SH2D2A: variants seen among roughly 807,000 people sequenced by gnomAD.
The protein encoded by SH2D2A is SH2 domain-containing protein 2A.
A neutral mutation model predicts 43.6 loss-of-function variants in SH2D2A; 33 were observed. The observed-to-expected ratio is 0.76, with a 90% CI of 0.57 to 1.01. The LOEUF is 1.01. SH2D2A is among the 50% of genes least tolerant of loss of function. The probability of loss-of-function intolerance (pLI) is 0.00; values close to 1 mark genes in which losing one functional copy is unlikely to be tolerated. For synonymous variants in SH2D2A, 212 were observed against 206.1 expected, an observed-to-expected ratio of 1.03 and a Z score of -0.25; for missense variants, 491 against 503.1, an observed-to-expected ratio of 0.98 and a Z score of 0.23.
At chr1:156,806,772 C>G (rs1331996556) in intron 8 of SH2D2A, among the ~76,000 whole-genome samples, 199 bp from the exon 9 acceptor site, 1 of 152,192 alleles carries the variant, frequency 6.6e-6, no homozygotes, top group Non-Finnish European at 1.5e-5. Context: ...GGTTCTAGTC[C>G]TTGACCTTGG....
Position 156,814,243 on chromosome 1 carries a change from C to G in SH2D2A, c.360G>C (p.Arg120=). 6 of 1,614,008 alleles carry G rather than the reference C, an allele frequency of 3.7e-6. No individual in the cohort carries two copies. Among genetic ancestry groups the G allele is most frequent in the Non-Finnish European group, 5.1e-6 (6 of 1,179,996 alleles). Residue 120 remains arginine, a synonymous_variant, in exon 4 of 9, where the codon CGG becomes CGC. Coordinates refer to ENST00000368199, the MANE Select transcript of SH2D2A (RefSeq NM_003975.4). ...EPKPQGCYLV[R]FSESAVTFVL... Reference sequence around the variant, plus strand: ...CGAAGGTCACCGCGCTCTCGCTGAACCGCACCAAGTAGCACCCCTGAGGCT... The same window carrying G: ...CGAAGGTCACCGCGCTCTCGCTGAAGCGCACCAAGTAGCACCCCTGAGGCT...
rs142571523 is a variant in SH2D2A, at chr1:156,809,289, C to T, written c.916G>A (p.Val306Met). 4.8e-5 allele frequency: 78 copies of T among 1,614,170 alleles called. No individual in the cohort carries two copies. In the African/African-American group the frequency reaches 8.1e-4, roughly 17 times the overall value. ...GGTAGGCCCTCATCTTCCACTTCCA[C>T]ATAGATGTTGCTGGGGGCTTCCCCA... The part of the protein sequence containing the change: ...SPGEAPSNIY[V>M]EVEDEGLPAT... Residue 306 changes from valine (V) to methionine (M), a missense_variant, in exon 7 of 9, where the codon GTG becomes ATG. Coordinates refer to ENST00000368199, the MANE Select transcript of SH2D2A (RefSeq NM_003975.4). The surrounding 1 kb of genome is among the most constrained non-coding windows in gnomAD (Gnocchi z 4.8).
rs1308201189 is a variant in SH2D2A, at chr1:156,814,231, G to A, written c.372C>T (p.Ser124=). ...TGTAAGTCAGCACGAAGGTCACCGC[G>A]CTCTCGCTGAACCGCACCAAGTAGC... is the stretch of plus-strand genomic sequence containing the variant. The part of the protein sequence containing the change: ...QGCYLVRFSE[S]AVTFVLTYRS... The change falls in exon 4 of 9, where the codon AGC becomes AGT. Residue 124 remains serine, a synonymous_variant. Transcript: ENST00000368199. 10 of 1,613,736 alleles carry A rather than the reference G, an allele frequency of 6.2e-6. No individual in the cohort carries two copies. The highest frequency in any genetic ancestry group is 3.3e-5 in the Admixed American group (2 of 59,990).
Position 156,809,227 on chromosome 1 carries a change from C to A in SH2D2A, c.978G>T (p.Trp326Cys). 1.2e-6 allele frequency: 2 copies of A among 1,613,052 alleles called. No homozygotes were observed. Residue 326 changes from tryptophan to cysteine, a missense_variant, in exon 7 of 9, where the codon TGG becomes TGT. Trp to Cys is a radical substitution (Grantham distance 215). Transcript: ENST00000368199. This position sits in a 1 kb window ranked among gnomAD's most constrained non-coding sequence, Gnocchi z 4.8. ...CCTGGCCTCCTGGGACAGGCCTGGACCAGCTCTTCCGTAGGACAGGGTGCC... is the reference window on the plus strand; with the variant it reads ...CCTGGCCTCCTGGGACAGGCCTGGAACAGCTCTTCCGTAGGACAGGGTGCC... ...TLGHPVLRKS[W>C]SRPVPGGQNT...
At chr1:156,808,806 G>A (rs923543688) in intron 7 of SH2D2A, among the ~76,000 whole-genome samples, 18 of 152,318 alleles carry the variant, frequency 1.2e-4, no homozygotes, top group Admixed American at 4.6e-4. Flanking sequence ...CAGCAGGGCC[G>A]TGAAGGCCAA....
At chr1:156,808,424 C>T (rs1431122788) in intron 7 of SH2D2A, among the ~76,000 whole-genome samples, 6 of 152,052 alleles carry the variant, frequency 3.9e-5, no homozygotes, top group African/African-American at 7.2e-5. Flanking sequence ...AAAGTTTGGA[C>T]GGAGATATGG....
intron 5 of SH2D2A, among the ~76,000 whole-genome samples, chr1:156,811,103 T>C (rs963071960): frequency 6.6e-6 from 1 of 152,118 alleles, no homozygotes; most frequent in Non-Finnish European, 1.5e-5. Context: ...AGCATCTCCT[T>C]CCGGAATAAA....
Position 156,809,870 on chromosome 1 carries a change from G to A in SH2D2A, c.568-63C>T, listed in dbSNP as rs1653287265. The stretch of plus-strand genomic sequence containing the variant: ...GCGTTGGGGTGGGGGAGGTGATCAG[G>A]AGGACAAAATAATCCAGTCTAAGTG... On this transcript the variant is annotated intron_variant, in intron 5 of 8. Coordinates refer to ENST00000368199, the MANE Select transcript of SH2D2A (RefSeq NM_003975.4). The surrounding 1 kb of genome is among the most constrained non-coding windows in gnomAD (Gnocchi z 4.8). The A allele has an allele frequency of 6.3e-7, 1 of 1,584,374 alleles. No homozygotes were observed. Among genetic ancestry groups the A allele is most frequent in the Non-Finnish European group, 8.6e-7 (1 of 1,161,066 alleles).
At chr1:156,814,971 T>C in intron 3 of SH2D2A, 66 bp downstream of exon 3, 1 of 1,345,552 alleles carries the variant, frequency 7.4e-7, no homozygotes, top group Non-Finnish European at 9.8e-7. Flanking sequence ...TCCTGGCAGG[T>C]GGCAGGACCC....
At position 156,814,134 on chromosome 1, in the gene SH2D2A, G is replaced by T. The variant is rs528231192; in HGVS notation, c.398+71C>A. 14 of 1,587,542 alleles carry T rather than the reference G, an allele frequency of 8.8e-6. No homozygotes were observed. The African/African-American group carries it at 1.2e-4, about 14-fold the overall frequency. Reference sequence around the variant, plus strand: ...ATGAGCTAAGAGCCCGGCTCCTCACGGGATCAGACCCAAGCCCCGCCCCTC... The same window carrying T: ...ATGAGCTAAGAGCCCGGCTCCTCACTGGATCAGACCCAAGCCCCGCCCCTC... On this transcript the variant is annotated intron_variant, in intron 4 of 8. Transcript: ENST00000368199.
rs182027480 is a variant in SH2D2A, at chr1:156,810,806, C to T, written c.568-999G>A. Among the ~76,000 whole-genome samples the T allele has an allele frequency of 4.7e-4, 71 of 152,312 alleles. 1 individual carries two copies. The highest frequency in any genetic ancestry group is 4.5e-3 in the Admixed American group (69 of 15,298). On this transcript the variant is annotated intron_variant, in intron 5 of 8. Coordinates refer to ENST00000368199, the MANE Select transcript of SH2D2A (RefSeq NM_003975.4). ...AAAGTGCTGGGATTACAGGTGTGAG[C>T]CACTGCGCCCGGCCATAAGCTAACA...
At position 156,807,195 on chromosome 1, in the gene SH2D2A, G is replaced by C. The variant is rs1653026523; in HGVS notation, c.1153C>G (p.Leu385Val). The stretch of plus-strand genomic sequence containing the variant: ...CTTACCGCCTACTGAGGAGGCCCAA[G>C]GGGAAGCCATGCCTGTCCTCTGTCC... ...LQDRGQAWLP[L>V]GPPQ Residue 385 changes from leucine (L) to valine (V), a missense_variant, in exon 8 of 9, where the codon CTT becomes GTT. Leu to Val is a conservative substitution (Grantham distance 32). Transcript: ENST00000368199. The surrounding 1 kb of genome is among the most constrained non-coding windows in gnomAD (Gnocchi z 5.1). 6.2e-7 allele frequency: 1 copy of C among 1,612,792 alleles called. No homozygotes were observed. The highest frequency in any genetic ancestry group is 1.1e-5 in the South Asian group (1 of 91,048).
Position 156,815,201 on chromosome 1 carries a change from CT to C in SH2D2A, c.143del (p.Glu48GlyfsTer79). On this transcript the variant is annotated frameshift_variant, in exon 3 of 9. Transcript: ENST00000368199. LOFTEE classifies it high-confidence loss of function. ...CAGCATTCCCTGTGTTGGAGGCAGC[CT>C]CCGGGGCCTGGGGAGATGCCTGGAT... is the stretch of plus-strand genomic sequence containing the variant. ...GYTAASPQAP[E>X]AASNTGNAER... The C allele has an allele frequency of 6.4e-7, 1 of 1,558,916 alleles. No homozygotes were observed. The highest frequency in any genetic ancestry group is 8.7e-7 in the Non-Finnish European group (1 of 1,150,946).
chr1:156,806,925 T>C (rs928391), intron 8 of SH2D2A, among the ~76,000 whole-genome samples: 30,859 of 152,124 alleles, frequency 0.2, 3,690 homozygotes, highest in Non-Finnish European at 0.27. Flanking sequence ...GTGCTTTTTT[T>C]CTGCTGAGTT....
Position 156,809,887 on chromosome 1 carries a change from G to T in SH2D2A, c.568-80C>A. 1 of 1,517,560 alleles carries T rather than the reference G, an allele frequency of 6.6e-7. No individual in the cohort carries two copies. The highest frequency in any genetic ancestry group is 9.0e-7 in the Non-Finnish European group (1 of 1,110,806). 94.0% of individuals were successfully genotyped at this position (1,517,560 alleles called of 1,614,324 possible). On this transcript the variant is annotated intron_variant, in intron 5 of 8. Transcript: ENST00000368199. The surrounding 1 kb of genome is among the most constrained non-coding windows in gnomAD (Gnocchi z 4.8). ...GTGATCAGGAGGACAAAATAATCCA[G>T]TCTAAGTGGAGGATGGGGGAAGGGG...
Position 156,816,686 on chromosome 1 carries a change from A to G in SH2D2A, c.23T>C (p.Ile8Thr). ...AACTTCACACTTACCTTGGGGACAT[A>G]TCTGGGCCAGGGGGAACTCCATGAG... MEFPLAQ[I>T]CPQGSHEAPI... The change falls in exon 1 of 9, where the codon ATA becomes ACA. Residue 8 changes from isoleucine (I) to threonine (T), a missense_variant. Transcript: ENST00000368199. 3 of 1,601,590 alleles carry G rather than the reference A, an allele frequency of 1.9e-6. No individual in the cohort carries two copies. The highest frequency in any genetic ancestry group is 1.3e-5 in the African/African-American group (1 of 74,110).
Position 156,811,495 on chromosome 1 carries a change from C to T in SH2D2A, c.568-1688G>A, listed in dbSNP as rs969544333. ...CTTCAGGCTTCTCAGGTCAGGCTGG[C>T]TCCTCCTCACCCCCAGACTTCCCTA... On this transcript the variant is annotated intron_variant, in intron 5 of 8. Coordinates refer to ENST00000368199, the MANE Select transcript of SH2D2A (RefSeq NM_003975.4). Among the ~76,000 whole-genome samples, 3 of 152,304 alleles carry T rather than the reference C, an allele frequency of 2.0e-5. No individual in the cohort carries two copies. In the East Asian group the frequency reaches 5.8e-4, roughly 29 times the overall value.
rs758627542 is a variant in SH2D2A at position 156,813,736 on chromosome 1, T to C, written c.567+112A>G. On this transcript the variant is annotated intron_variant, in intron 5 of 8. Transcript: ENST00000368199. Reference sequence around the variant, plus strand: ...CCTGGGTAAGGGAGGCATGCCCGAGTGGTGTTTCGGGATGAGAAAGTGCCT... The same window carrying C: ...CCTGGGTAAGGGAGGCATGCCCGAGCGGTGTTTCGGGATGAGAAAGTGCCT... 3.3e-4 allele frequency: 334 copies of C among 1,003,754 alleles called. 1 individual carries two copies. The highest frequency in any genetic ancestry group is 3.7e-4 in the Non-Finnish European group (275 of 747,670). The allele number at this position is 1,003,754 out of a possible 1,614,324, so 62.2% of individuals were successfully genotyped here.
chr1:156,815,729 G>C, intron 2 of SH2D2A: 1 of 1,363,918 alleles, frequency 7.3e-7, no homozygotes, highest in Non-Finnish European at 1.1e-6. Flanking sequence ...GCAGATGCCT[G>C]CTTCTGGGAC....
Sources: gnomAD v4.1 joint callset for allele counts (sites outside exome capture counted in the v4.1 genomes callset) on GRCh38, gnomAD v4.1.1 for gene constraint, Gnocchi (gnomAD v3.1) non-coding constraint, MANE v1.5 for transcripts, NCBI Gene and HGNC (gene_info 2026-07-23, HGNC 2026-07-21) for gene names.